The following PRPF40B variants were observed in gnomAD, a reference collection of about 807,000 sequenced individuals.
PRPF40B encodes the protein pre-mRNA-processing factor 40 homolog B.
Under a neutral mutation model 124.5 loss-of-function variants are expected in PRPF40B, and 56 were observed. The observed-to-expected ratio is 0.45, with a 90% CI of 0.36 to 0.56. The LOEUF (loss-of-function observed/expected upper bound fraction) is 0.56, where lower values mean the gene tolerates loss of function less well. Ranked by LOEUF, PRPF40B falls within the 20% of genes least tolerant of loss-of-function variation. PRPF40B has a pLI of 0.00. For synonymous variants in PRPF40B, 443 were observed against 426.4 expected, an observed-to-expected ratio of 1.04 and a Z score of -0.48; for missense variants, 1,053 against 1,169.5, an observed-to-expected ratio of 0.90 and a Z score of 1.45.
chr12:49,624,218 T>A (rs943676374), intron 1 of PRPF40B: 247 of 953,034 alleles, frequency 2.6e-4, no homozygotes, highest in South Asian at 5.4e-4. Context: ...TCAATTTTTT[T>A]AAAAAGGAAA....
chr12:49,624,368 A>T (rs1212949268), intron 1 of PRPF40B, among the ~76,000 whole-genome samples: 2 of 151,932 alleles, frequency 1.3e-5, no homozygotes, highest in Non-Finnish European at 2.9e-5. Flanking sequence ...GGGCTGGAGA[A>T]ATCCCCACGG....
In PRPF40B at chr12:49,630,645, C is replaced by A; in HGVS notation, c.84+20C>A. 1 of 1,148,366 alleles carries A rather than the reference C, an allele frequency of 8.7e-7. No homozygotes were observed. 71.1% of individuals were successfully genotyped at this position (1,148,366 alleles called of 1,614,324 possible). On this transcript the variant is annotated intron_variant, in intron 2 of 25. Transcript: ENST00000548825. The stretch of plus-strand genomic sequence containing the variant: ...CCCTTCGTAAGTTTTATGTCTTTCC[C>A]TGGGCTTGGCTTTTCCAGCCTGCAC...
chr12:49,631,854 C>A lies in PRPF40B; in HGVS notation c.229-6C>A, dbSNP rs1271819462. 1 of 1,613,610 alleles carries A rather than the reference C, an allele frequency of 6.2e-7. No homozygotes were observed. The highest frequency in any genetic ancestry group is 8.5e-7 in the Non-Finnish European group (1 of 1,179,516). ...TGGTTGGTTTCTGTCTTCTTTGTAT[C>A]CATAGATACCAGGAATGGTACCTCC... On this transcript the variant is annotated splice_region_variant and splice_polypyrimidine_tract_variant and intron_variant, in intron 3 of 25. Transcript: ENST00000548825. The surrounding 1 kb of genome is among the most constrained non-coding windows in gnomAD (Gnocchi z 4.3).
At chr12:49,632,033 A>T in intron 4 of PRPF40B, 108 bp downstream of exon 4, 1 of 1,136,430 alleles carries the variant, frequency 8.8e-7, no homozygotes, top group South Asian at 1.2e-5. Flanking sequence ...CATCGCATCC[A>T]CCCAGGTCCC....
chr12:49,632,995 T>TGGGGGGGGGGGCG lies in PRPF40B; in HGVS notation c.349-18_349-17insGGGGGGGGGGCGG. On this transcript the variant is annotated intron_variant, in intron 6 of 25. Coordinates refer to ENST00000548825, the MANE Select transcript of PRPF40B (RefSeq NM_001031698.3). ...AAAAGGGGCCTTGACCACCATTCTG[T>TGGGGGGGGGGGCG]GCCCCCCCCCCCACCCAGAGGGCCC... 3 of 1,365,440 alleles carry TGGGGGGGGGGGCG rather than the reference T, an allele frequency of 2.2e-6. No individual in the cohort carries two copies. The highest frequency in any genetic ancestry group is 3.1e-6 in the Non-Finnish European group (3 of 979,260). 84.6% of individuals were successfully genotyped at this position (1,365,440 alleles called of 1,614,324 possible).
At position 49,631,582 on chromosome 12, in the gene PRPF40B, T is replaced by C. The variant is rs1166962971; in HGVS notation, c.228+38T>C. 4 of 1,533,242 alleles carry C rather than the reference T, an allele frequency of 2.6e-6. No homozygotes were observed. The highest frequency in any genetic ancestry group is 2.3e-5 in the East Asian group (1 of 44,260). The allele number at this position is 1,533,242 out of a possible 1,614,324, so 95.0% of individuals were successfully genotyped here. On this transcript the variant is annotated intron_variant, in intron 3 of 25. Transcript: ENST00000548825. The surrounding 1 kb of genome is among the most constrained non-coding windows in gnomAD (Gnocchi z 4.3). ...CCTCCCCTGGGGCCTCAGAAAACCC[T>C]GTCAGTTTAGCTGGGGGTGGAGATA... is the stretch of plus-strand genomic sequence containing the variant.
chr12:49,635,472 A>G lies in PRPF40B; in HGVS notation c.1274A>G (p.Lys425Arg), dbSNP rs746560448. 1.2e-6 allele frequency: 2 copies of G among 1,612,750 alleles called. No individual in the cohort carries two copies. Among genetic ancestry groups the G allele is most frequent in the Non-Finnish European group, 1.7e-6 (2 of 1,179,328 alleles). Residue 425 changes from lysine (K) to arginine (R), a missense_variant and splice_region_variant, in exon 14 of 26, where the codon AAG becomes AGG. By Grantham distance (26) the Lys-to-Arg change is conservative (BLOSUM62 2). Around this residue, in one of 2 missense-constraint regions of PRPF40B, gnomAD observed 895 missense variants for 1,052.2 expected, o/e 0.85. Coordinates refer to ENST00000548825, the MANE Select transcript of PRPF40B (RefSeq NM_001031698.3). This position sits in a 1 kb window ranked among gnomAD's most constrained non-coding sequence, Gnocchi z 4.1. ...CTCTTCTTCCTGGCCAAGAAGGAGAAGGTAATGGTCCCTGGGCAGAATCCT... is the reference window on the plus strand; with the variant it reads ...CTCTTCTTCCTGGCCAAGAAGGAGAGGGTAATGGTCCCTGGGCAGAATCCT... Reference protein sequence around the residue: ...DVLFFLAKKEKEQAKQLRRRN... With the variant: ...DVLFFLAKKEREQAKQLRRRN...
At chr12:49,637,934 C>A in intron 18 of PRPF40B, 110 bp downstream of exon 18, 1 of 827,948 alleles carries the variant, frequency 1.2e-6, no homozygotes. Context: ...CTTGGTTCAG[C>A]AGATATCTAC....
At chr12:49,640,031 T>G (rs1220658735) in intron 18 of PRPF40B, 1 of 152,256 alleles carries the variant, frequency 6.6e-6, no homozygotes, top group Non-Finnish European at 1.5e-5. Context: ...CCACACAACC[T>G]GAGAAAGCAA....
At chr12:49,638,490 C>T (rs1384674718) in intron 18 of PRPF40B, 5 of 152,178 alleles carry the variant, frequency 3.3e-5, no homozygotes, top group Non-Finnish European at 7.3e-5. Context: ...CTGCCATTTA[C>T]CATCACACAT....
Position 49,635,542 on chromosome 12 carries a change from G to C in PRPF40B, c.1275+69G>C, listed in dbSNP as rs1941694371. The stretch of plus-strand genomic sequence containing the variant: ...ACTTTCCTTGTCTTTGCTTTGTTAT[G>C]GACCCTCGCCATTTACTTCTCTACT... On this transcript the variant is annotated intron_variant, in intron 14 of 25. Transcript: ENST00000548825. This position sits in a 1 kb window ranked among gnomAD's most constrained non-coding sequence, Gnocchi z 4.1. 2 of 1,432,580 alleles carry C rather than the reference G, an allele frequency of 1.4e-6. No individual in the cohort carries two copies. Among genetic ancestry groups the C allele is most frequent in the Non-Finnish European group, 1.9e-6 (2 of 1,044,006 alleles). 88.7% of individuals were successfully genotyped at this position (1,432,580 alleles called of 1,614,324 possible). A position where few individuals can be genotyped will look rare whatever the true frequency, so the allele number is the denominator to read the frequency against.
At position 49,635,727 on chromosome 12, in the gene PRPF40B, G is replaced by A. The variant is rs1941718287; in HGVS notation, c.1276-116G>A. 1 of 1,267,598 alleles carries A rather than the reference G, an allele frequency of 7.9e-7. No homozygotes were observed. Among genetic ancestry groups the A allele is most frequent in the South Asian group, 1.4e-5 (1 of 72,570 alleles). 78.5% of individuals were successfully genotyped at this position (1,267,598 alleles called of 1,614,324 possible). On this transcript the variant is annotated intron_variant, in intron 14 of 25. Coordinates refer to ENST00000548825, the MANE Select transcript of PRPF40B (RefSeq NM_001031698.3). The surrounding 1 kb of genome is among the most constrained non-coding windows in gnomAD (Gnocchi z 4.1). ...CCCTTCCCTGAGACATGAAAGTCTT[G>A]AGTATGGCCTTCTTCCTAGGGTTCC...
At chr12:49,640,412 T>G (rs1249398590) in intron 18 of PRPF40B, 2 of 152,062 alleles carry the variant, frequency 1.3e-5, no homozygotes, top group Non-Finnish European at 2.9e-5. Context: ...GAATAAAAGG[T>G]CAGAGAGGGT....
chr12:49,639,978 T>C (rs936219048), intron 18 of PRPF40B: 3 of 152,024 alleles, frequency 2.0e-5, no homozygotes, highest in African/African-American at 7.2e-5. Context: ...GAGTGGCTGG[T>C]TGATAGGCCT....
chr12:49,637,648 C>G (rs1250444040), intron 17 of PRPF40B, 64 bp downstream of exon 17: 14 of 1,569,018 alleles, frequency 8.9e-6, no homozygotes, highest in East Asian at 2.2e-5. Flanking sequence ...CTCTGCACCC[C>G]CTACTACCGG....
intron 24 of PRPF40B, 41 bp downstream of exon 24, chr12:49,643,793 G>C: frequency 2.5e-6 from 4 of 1,613,664 alleles, no homozygotes; most frequent in Non-Finnish European, 2.5e-6. Flanking sequence ...GCTATTTTGT[G>C]AGTTCTGTTC....
In PRPF40B at chr12:49,634,462, G is replaced by A. The variant is rs770835475; in HGVS notation, c.936+7G>A. Reference sequence around the variant, plus strand: ...GGAACTGCTGAGGGACAAGGTGCTGGAGTGGGGCTCCCAGGGAAGGTTTGG... The same window carrying A: ...GGAACTGCTGAGGGACAAGGTGCTGAAGTGGGGCTCCCAGGGAAGGTTTGG... On this transcript the variant is annotated splice_region_variant and intron_variant, in intron 11 of 25. Transcript: ENST00000548825. 1.2e-6 allele frequency: 2 copies of A among 1,614,054 alleles called. No individual in the cohort carries two copies. Among genetic ancestry groups the A allele is most frequent in the Admixed American group, 3.3e-5 (2 of 60,012 alleles).
upstream of PRPF40B, among the ~76,000 whole-genome samples, chr12:49,622,982 C>G (rs1305217897): frequency 6.6e-6 from 1 of 152,080 alleles, no homozygotes; most frequent in Non-Finnish European, 1.5e-5. Flanking sequence ...GAGCCAGGTC[C>G]CAAAAGTGAA....
chr12:49,643,243 G>A lies in PRPF40B; in HGVS notation c.2226G>A (p.Glu742=), dbSNP rs1275578843. The change falls in exon 23 of 26, where the codon GAG becomes GAA. Residue 742 remains glutamate, a synonymous_variant. Coordinates refer to ENST00000548825, the MANE Select transcript of PRPF40B (RefSeq NM_001031698.3). ...HSPSGSESEE[E]ELPPPSLRPP... ...CCCAGGGCTCTGAGTCAGAAGAAGA[G>A]GAGCTGCCCCCACCATCTCTCCGGC... 5 of 1,613,982 alleles carry A rather than the reference G, an allele frequency of 3.1e-6. No homozygotes were observed. The highest frequency in any genetic ancestry group is 4.5e-5 in the East Asian group (2 of 44,902).
Sources: allele counts gnomAD v4.1 joint callset (sites outside exome capture counted in the v4.1 genomes callset), GRCh38; gene constraint gnomAD v4.1.1; regional missense constraint gnomAD v4.1.1; non-coding constraint Gnocchi (gnomAD v3.1); transcripts MANE v1.5; gene names NCBI Gene and HGNC (gene_info 2026-07-23, HGNC 2026-07-21).